The following TACR1 variants were observed in gnomAD, a reference collection of about 807,000 sequenced individuals.
TACR1 encodes tachykinin receptor 1, also known as substance-P receptor.
In TACR1, 25 loss-of-function variants were observed where a neutral mutation model predicts 35.8. The ratio of observed to expected loss-of-function variants is 0.70; its 90% confidence interval spans 0.51 to 0.98. The LOEUF is 0.98. TACR1 is among the 50% of genes least tolerant of loss of function. The pLI, the probability that TACR1 is intolerant of heterozygous loss-of-function variation, is 0.00. For missense variants in TACR1, 478 were observed against 522.9 expected, an observed-to-expected ratio of 0.91 and a Z score of 0.84; for synonymous variants, 195 against 206.7, an observed-to-expected ratio of 0.94 and a Z score of 0.48.
intron 1 of TACR1, among the ~76,000 whole-genome samples, chr2:75,160,355 CAAAT>C (rs1270719145): frequency 3.3e-5 from 5 of 152,022 alleles, no homozygotes; most frequent in African/African-American, 1.2e-4. Flanking sequence ...AGATTTATAA[CAAAT>C]AAATCTTTGT....
At chr2:75,081,911 T>A (rs1050405418) in intron 2 of TACR1, among the ~76,000 whole-genome samples, 74 of 149,692 alleles carry the variant, frequency 4.9e-4, no homozygotes, top group African/African-American at 1.8e-3. Context: ...TTTTTTTTTT[T>A]TAAATATATA....
intron 2 of TACR1, among the ~76,000 whole-genome samples, chr2:75,113,260 A>G (rs1673785096): frequency 6.6e-6 from 1 of 152,078 alleles, no homozygotes; most frequent in Non-Finnish European, 1.5e-5. Flanking sequence ...CTCTTTCTCC[A>G]TCTGAGGACA....
intron 1 of TACR1, among the ~76,000 whole-genome samples, chr2:75,164,157 C>G (rs1021444325): frequency 6.6e-6 from 1 of 151,498 alleles, no homozygotes; most frequent in African/African-American, 2.4e-5. Context: ...GAAACCCCGT[C>G]TCTACTAAAA....
intron 1 of TACR1, among the ~76,000 whole-genome samples, chr2:75,158,575 A>G (rs1440523527): frequency 1.3e-5 from 2 of 152,198 alleles, no homozygotes; most frequent in South Asian, 2.1e-4. Context: ...AGTTGTTTTT[A>G]TCAGCTCTGG....
Position 75,051,426 on chromosome 2 carries a change from C to T in TACR1, c.757G>A (p.Val253Met), listed in dbSNP as rs17838409. 1.1e-3 allele frequency: 1,751 copies of T among 1,614,040 alleles called. 2 individuals carry two copies. Among genetic ancestry groups the T allele is most frequent in the Non-Finnish European group, 1.2e-3 (1,447 of 1,179,966 alleles). Reference protein sequence around the residue: ...KRKVVKMMIVVVCTFAICWLP... With the variant: ...KRKVVKMMIVMVCTFAICWLP... Reference sequence around the variant, plus strand: ...CAGCAGATGGCGAAGGTGCACACCACGACAATCATCATTTTGACCACCTGG... The same window carrying T: ...CAGCAGATGGCGAAGGTGCACACCATGACAATCATCATTTTGACCACCTGG... Residue 253 changes from valine (V) to methionine (M), a missense_variant, in exon 4 of 5, where the codon GTG becomes ATG. By Grantham distance (21) the Val-to-Met change is conservative (BLOSUM62 1). Coordinates refer to ENST00000305249, the MANE Select transcript of TACR1 (RefSeq NM_001058.4).
chr2:75,109,291 A>C (rs1673706893), intron 2 of TACR1, among the ~76,000 whole-genome samples: 2 of 152,288 alleles, frequency 1.3e-5, no homozygotes, highest in South Asian at 4.1e-4. Flanking sequence ...GGGAGAGGGC[A>C]GGGCTCTGAA....
At chr2:75,168,335 G>A (rs1413306052) in intron 1 of TACR1, among the ~76,000 whole-genome samples, 1 of 152,136 alleles carries the variant, frequency 6.6e-6, no homozygotes, top group Non-Finnish European at 1.5e-5. Context: ...ATTAAGTTAA[G>A]GGCCTCGAGA....
chr2:75,153,190 T>C (rs115499037), intron 1 of TACR1, among the ~76,000 whole-genome samples: 6,031 of 152,298 alleles, frequency 0.04, 413 homozygotes, highest in African/African-American at 0.14. Flanking sequence ...CGTGAGCCAC[T>C]GCACCAGCCT....
At chr2:75,154,308 T>A (rs1674748938) in intron 1 of TACR1, 1 of 152,062 alleles carries the variant, frequency 6.6e-6, no homozygotes, top group African/African-American at 2.4e-5. Context: ...ACCTCCAGAC[T>A]GAGCATGTCA....
chr2:75,046,514 G>C lies in TACR1; in HGVS notation c.*2918C>G, dbSNP rs559718788. The C allele has an allele frequency of 6.6e-6, 1 of 152,238 alleles. No homozygotes were observed. The highest frequency in any genetic ancestry group is 1.9e-4 in the East Asian group (1 of 5,180). 9.4% of individuals were successfully genotyped at this position (152,238 alleles called of 1,614,324 possible). A position where few individuals can be genotyped will look rare whatever the true frequency, so the allele number is the denominator to read the frequency against. The stretch of plus-strand genomic sequence containing the variant: ...ATAAAGATTCTTTCCAGGAGACCAG[G>C]CTGGAAAACACGGAAACCTCAGGAA... On this transcript the variant is annotated 3_prime_UTR_variant, in exon 5 of 5. Transcript: ENST00000305249.
At chr2:75,129,716 C>A (rs1240732751) in intron 1 of TACR1, among the ~76,000 whole-genome samples, 1 of 152,176 alleles carries the variant, frequency 6.6e-6, no homozygotes, top group African/African-American at 2.4e-5. Flanking sequence ...GCCTGGCAGG[C>A]TATGTAAAAA....
chr2:75,149,221 C>T lies in TACR1; in HGVS notation c.390-28453G>A, dbSNP rs574700507. On this transcript the variant is annotated intron_variant, in intron 1 of 4. Transcript: ENST00000305249. Reference sequence around the variant, plus strand: ...ATGATGCCTCCAGCCCTTAGCTATACGGGCTCTTTTTTGGTTCCATATGAA... The same window carrying T: ...ATGATGCCTCCAGCCCTTAGCTATATGGGCTCTTTTTTGGTTCCATATGAA... Among the ~76,000 whole-genome samples the T allele has an allele frequency of 7.2e-5, 11 of 152,088 alleles. No individual in the cohort carries two copies. The East Asian group carries it at 1.7e-3, about 24-fold the overall frequency.
intron 1 of TACR1, among the ~76,000 whole-genome samples, chr2:75,149,250 T>C (rs1349667186): frequency 6.6e-6 from 1 of 152,194 alleles, no homozygotes; most frequent in Non-Finnish European, 1.5e-5. Flanking sequence ...ATATGAAATT[T>C]AAAGTATTTT....
intron 1 of TACR1, chr2:75,188,270 C>A (rs2193408): frequency 0.36 from 55,523 of 152,122 alleles, 10,525 homozygotes; most frequent in African/African-American, 0.47. Flanking sequence ...AACACATATT[C>A]ACTATTCAAG....
intron 2 of TACR1, among the ~76,000 whole-genome samples, chr2:75,088,094 C>G (rs1390588429): frequency 1.3e-5 from 2 of 152,170 alleles, no homozygotes; most frequent in African/African-American, 4.8e-5. Flanking sequence ...TAGCTGAAAA[C>G]TACAACCTAT....
At position 75,189,589 on chromosome 2, in the gene TACR1, G is replaced by A. The variant is rs1018540670; in HGVS notation, c.389+8957C>T. Reference sequence around the variant, plus strand: ...AGTGTAACACCTAGGAGGATTTAATGAATTAATTTTGTAGTCAATGTTTGG... The same window carrying A: ...AGTGTAACACCTAGGAGGATTTAATAAATTAATTTTGTAGTCAATGTTTGG... On this transcript the variant is annotated intron_variant, in intron 1 of 4. Transcript: ENST00000305249. 8 of 152,302 alleles carry A rather than the reference G, an allele frequency of 5.3e-5. 1 individual carries two copies. The highest frequency in any genetic ancestry group is 3.3e-4 in the Admixed American group (5 of 15,292). 9.4% of individuals were successfully genotyped at this position (152,302 alleles called of 1,614,324 possible). A position where few individuals can be genotyped will look rare whatever the true frequency, so the allele number is the denominator to read the frequency against.
chr2:75,165,689 G>A (rs1399942090), intron 1 of TACR1, among the ~76,000 whole-genome samples: 1 of 152,170 alleles, frequency 6.6e-6, no homozygotes, highest in Non-Finnish European at 1.5e-5. Flanking sequence ...CCCTAAAAGT[G>A]AGTTCTCATA....
At chr2:75,118,703 A>G (rs1457497542) in intron 2 of TACR1, 1 of 152,256 alleles carries the variant, frequency 6.6e-6, no homozygotes, top group Non-Finnish European at 1.5e-5. Flanking sequence ...ATTTTGAAAC[A>G]AAAGTTGTAG....
chr2:75,137,695 C>T (rs572906895), intron 1 of TACR1, among the ~76,000 whole-genome samples: 3 of 143,000 alleles, frequency 2.1e-5, no homozygotes, highest in African/African-American at 7.8e-5. Context: ...CACCGCTGCC[C>T]TCCAGCCTGG....
Sources: allele counts gnomAD v4.1 joint callset (sites outside exome capture counted in the v4.1 genomes callset), GRCh38; gene constraint gnomAD v4.1.1; transcripts MANE v1.5; gene names NCBI Gene and HGNC (gene_info 2026-07-23, HGNC 2026-07-21).